XYLB: variants seen among roughly 807,000 people sequenced by gnomAD.
XYLB encodes xylulokinase.
Under a neutral mutation model 78.7 loss-of-function variants are expected in XYLB, and 62 were observed. The ratio of observed to expected loss-of-function variants is 0.79; its 90% confidence interval spans 0.64 to 0.97. XYLB has a LOEUF of 0.97. Ranked by LOEUF, XYLB falls within the 50% of genes least tolerant of loss-of-function variation. The pLI, the probability that XYLB is intolerant of heterozygous loss-of-function variation, is 0.00. For missense variants in XYLB, 687 were observed against 676.8 expected (o/e 1.02, Z -0.17); for synonymous variants, 245 against 247.4 (o/e 0.99, Z 0.09).
intron 14 of XYLB, among the ~76,000 whole-genome samples, chr3:38,378,208 T>C (rs78317032): frequency 0.018 from 2,756 of 152,346 alleles, 77 homozygotes; most frequent in African/African-American, 0.06. Context: ...TGGTTTCTTT[T>C]GTTAGAGTGA....
chr3:38,408,863 A>G (rs534024750), intron 18 of XYLB, among the ~76,000 whole-genome samples: 7 of 152,390 alleles, frequency 4.6e-5, no homozygotes, highest in Admixed American at 4.6e-4. Flanking sequence ...GAATAGACCA[A>G]TAACAGGCTC....
intron 18 of XYLB, among the ~76,000 whole-genome samples, chr3:38,411,848 A>C (rs989255459): frequency 3.9e-5 from 6 of 152,104 alleles, no homozygotes; most frequent in Admixed American, 2.6e-4. Context: ...AGTCTTCCTC[A>C]GGGCCTCCTT....
At chr3:38,444,846 C>T in the XYLB span, among the ~76,000 whole-genome samples, 3 of 152,176 alleles carry the variant, frequency 2.0e-5, no homozygotes, top group South Asian at 6.2e-4. Context: ...TCCCTGGACC[C>T]TGCTGATCAG....
intron 14 of XYLB, among the ~76,000 whole-genome samples, chr3:38,378,768 G>A (rs1706994971): frequency 6.6e-6 from 1 of 150,544 alleles, no homozygotes; most frequent in South Asian, 2.1e-4. Flanking sequence ...GTGCTAGCTT[G>A]AAGGACATGC....
In XYLB at chr3:38,377,087, A is replaced by T. The variant is rs1706900188; in HGVS notation, c.1194+96A>T. 8 of 1,073,710 alleles carry T rather than the reference A, an allele frequency of 7.5e-6. No homozygotes were observed. The Admixed American group carries it at 1.5e-4, about 20-fold the overall frequency. 66.5% of individuals were successfully genotyped at this position (1,073,710 alleles called of 1,614,324 possible). A position where few individuals can be genotyped will look rare whatever the true frequency, so the allele number is the denominator to read the frequency against. ...AAATTATGTTACTTTTAGGGACTTC[A>T]TTCATTCACTCATCCATTAATATCA... On this transcript the variant is annotated intron_variant, in intron 14 of 18. Transcript: ENST00000207870.
intron 15 of XYLB, among the ~76,000 whole-genome samples, chr3:38,388,811 TA>T (rs1268677226): frequency 6.6e-6 from 1 of 152,234 alleles, no homozygotes; most frequent in African/African-American, 2.4e-5. Context: ...CTTAAAATGT[TA>T]AAATATTTCT....
rs1313017107 is a variant in XYLB at position 38,404,965 on chromosome 3, A to T, written c.1533+3980A>T. Among the ~76,000 whole-genome samples the T allele has an allele frequency of 2.0e-5, 3 of 152,202 alleles. No individual in the cohort carries two copies. The East Asian group carries it at 5.8e-4, about 29-fold the overall frequency. The stretch of plus-strand genomic sequence containing the variant: ...TCCTTGGTCTTGTTGTTTGTCTGTA[A>T]GACAGCGTGTGCTTGCCTGAAGTGC... On this transcript the variant is annotated intron_variant, in intron 18 of 18. Coordinates refer to ENST00000207870, the MANE Select transcript of XYLB (RefSeq NM_005108.4).
chr3:38,416,871 C>T (rs1029219924), downstream of XYLB, among the ~76,000 whole-genome samples: 8 of 152,224 alleles, frequency 5.3e-5, no homozygotes, highest in Non-Finnish European at 1.0e-4. Flanking sequence ...AGAGCTCTTT[C>T]TACTTTCCTC....
At chr3:38,355,852 C>T in intron 2 of XYLB, 1 of 699,932 alleles carries the variant, frequency 1.4e-6, no homozygotes, top group Non-Finnish European at 2.6e-6. Context: ...TAACCACCTA[C>T]TGATTGTGCT....
chr3:38,404,264 G>T (rs549840942), intron 18 of XYLB, among the ~76,000 whole-genome samples: 1 of 152,292 alleles, frequency 6.6e-6, no homozygotes, highest in Admixed American at 6.5e-5. Context: ...TACTCATGGG[G>T]TCTATTCCCA....
At chr3:38,402,952 T>C (rs1168399776) in intron 18 of XYLB, among the ~76,000 whole-genome samples, 1 of 152,176 alleles carries the variant, frequency 6.6e-6, no homozygotes, top group East Asian at 1.9e-4. Context: ...ATACATTTTA[T>C]TTAATCCACT....
chr3:38,449,193 G>GCT, the XYLB span, among the ~76,000 whole-genome samples: 1 of 151,996 alleles, frequency 6.6e-6, no homozygotes, highest in South Asian at 2.1e-4. Context: ...CATGATTTTG[G>GCT]CTCACTGCAA....
At chr3:38,369,430 C>A (rs1189954343) in intron 8 of XYLB, among the ~76,000 whole-genome samples, 2 of 152,158 alleles carry the variant, frequency 1.3e-5, no homozygotes, top group East Asian at 3.9e-4. Context: ...ACTCTGCCCC[C>A]CTTCACTCAC....
At chr3:38,409,871 A>G (rs1011486238) in intron 18 of XYLB, among the ~76,000 whole-genome samples, 9 of 152,238 alleles carry the variant, frequency 5.9e-5, no homozygotes, top group Non-Finnish European at 1.3e-4. Flanking sequence ...CCACTGCTCA[A>G]TGAAATAAAA....
chr3:38,358,312 TGTGTGTGTGTGTGTGTGTGTGTG>T (rs1705778880), intron 2 of XYLB, among the ~76,000 whole-genome samples: 1 of 21,858 alleles, frequency 4.6e-5, no homozygotes, highest in African/African-American at 1.4e-4. Context: ...TTTTGTTTTG[TGTGTGTGTGTGTGTGTGTGTGTG>T]TGTGTGTGTG....
intron 18 of XYLB, among the ~76,000 whole-genome samples, chr3:38,407,096 TTGAAA>T (rs1249326341): frequency 2.7e-5 from 4 of 146,250 alleles, no homozygotes; most frequent in African/African-American, 7.6e-5. Context: ...TTCACCAAAG[TTGAAA>T]TGAAGGAAAA....
chr3:38,395,891 G>A lies in XYLB; in HGVS notation c.1350+328G>A, dbSNP rs187817852. ...TGTTCTTGTCTTCCTCAAGGCCTCT[G>A]CCTTCCAATGTAACCATCGCTGATT... On this transcript the variant is annotated intron_variant, in intron 16 of 18. Coordinates refer to ENST00000207870, the MANE Select transcript of XYLB (RefSeq NM_005108.4). 1.7e-4 allele frequency among the ~76,000 whole-genome samples: 26 copies of A among 152,300 alleles called. 1 individual carries two copies. Among genetic ancestry groups the A allele is most frequent in the Middle Eastern group, 3.4e-3 (1 of 294 alleles).
At chr3:38,359,782 A>C (rs748535659) in intron 2 of XYLB, among the ~76,000 whole-genome samples, 6 of 152,224 alleles carry the variant, frequency 3.9e-5, no homozygotes, top group African/African-American at 4.8e-5. Flanking sequence ...TGGTTATCTA[A>C]TAGCATCTTG....
intron 15 of XYLB, among the ~76,000 whole-genome samples, 162 bp downstream of exon 15, chr3:38,379,504 T>G (rs1370109024): frequency 6.6e-6 from 1 of 152,104 alleles, no homozygotes; most frequent in Non-Finnish European, 1.5e-5. Context: ...TGAGAAAGTG[T>G]CAATTGGCAC....
Sources: allele counts gnomAD v4.1 joint callset (sites outside exome capture counted in the v4.1 genomes callset), GRCh38; gene constraint gnomAD v4.1.1; transcripts MANE v1.5; gene names NCBI Gene and HGNC (gene_info 2026-07-23, HGNC 2026-07-21).